The following ULK4 variants were observed in gnomAD, a reference collection of about 807,000 sequenced individuals.
ULK4 encodes the protein inactive serine/threonine-protein kinase ULK4.
Under a neutral mutation model 160.6 loss-of-function variants are expected in ULK4, and 133 were observed. That is an observed-to-expected ratio of 0.83 (90% CI 0.72 to 0.96). The LOEUF is 0.96. Among genes scored for constraint, ULK4 ranks in the 40% least tolerant of loss-of-function variants. ULK4 has a pLI of 0.00. For missense variants in ULK4, 1,580 were observed against 1,499.5 expected (o/e 1.05, Z -0.89); for synonymous variants, 534 against 539.8 (o/e 0.99, Z 0.15).
intron 13 of ULK4, among the ~76,000 whole-genome samples, chr3:41,899,490 T>C (rs1270854833): frequency 6.6e-6 from 1 of 152,220 alleles, no homozygotes; most frequent in Admixed American, 6.5e-5. Flanking sequence ...ACACAGAATA[T>C]TGTCTAAAGC....
intron 32 of ULK4, among the ~76,000 whole-genome samples, chr3:41,495,800 T>C (rs2084967056): frequency 6.6e-6 from 1 of 151,632 alleles, no homozygotes; most frequent in Non-Finnish European, 1.5e-5. Context: ...AAAGAAGACA[T>C]TTACGCAGCC....
rs545878032 is a variant in ULK4, at chr3:41,340,084, C to T, written c.3678+57995G>A. Among the ~76,000 whole-genome samples, 8 of 152,324 alleles carry T rather than the reference C, an allele frequency of 5.3e-5. No individual in the cohort carries two copies. In the South Asian group the frequency reaches 1.7e-3, roughly 32 times the overall value. On this transcript the variant is annotated intron_variant, in intron 35 of 36. Coordinates refer to ENST00000301831, the MANE Select transcript of ULK4 (RefSeq NM_017886.4). ...ACACTGTTTCCACTGCTGCTTATAT[C>T]ACATTTGCATAATTAAATTGCTGGA...
intron 34 of ULK4, among the ~76,000 whole-genome samples, chr3:41,399,614 C>T (rs2082136329): frequency 6.6e-6 from 1 of 152,012 alleles, no homozygotes; most frequent in South Asian, 2.1e-4. Flanking sequence ...CTCTCTGTCA[C>T]CCAGGCTGGA....
At chr3:41,747,513 T>G (rs1193900609) in intron 22 of ULK4, among the ~76,000 whole-genome samples, 1 of 150,066 alleles carries the variant, frequency 6.7e-6, no homozygotes, top group African/African-American at 2.5e-5. Flanking sequence ...GAATTAAAAC[T>G]TGAATACTAG....
chr3:41,858,509 ATTT>A (rs552326948), intron 17 of ULK4, among the ~76,000 whole-genome samples: 8,285 of 124,486 alleles, frequency 0.067, 399 homozygotes, highest in East Asian at 0.17. Context: ...AAATTTTTCA[ATTT>A]TTTTTTTTTT....
chr3:41,761,352 T>C (rs1430743356), intron 21 of ULK4, among the ~76,000 whole-genome samples: 2 of 148,606 alleles, frequency 1.3e-5, no homozygotes, highest in East Asian at 3.9e-4. Flanking sequence ...TACATATATG[T>C]ATATGTATTA....
intron 30 of ULK4, among the ~76,000 whole-genome samples, chr3:41,632,795 A>C (rs1446451842): frequency 6.6e-6 from 1 of 152,178 alleles, no homozygotes; most frequent in Non-Finnish European, 1.5e-5. Context: ...TGACAAATTA[A>C]GGCAGAAAGA....
At chr3:41,326,138 G>A (rs150698875) in intron 35 of ULK4, among the ~76,000 whole-genome samples, 4 of 151,930 alleles carry the variant, frequency 2.6e-5, no homozygotes, top group Non-Finnish European at 4.4e-5. Flanking sequence ...GCATGGGCAG[G>A]GGGGGGCTCC....
chr3:41,320,910 G>A (rs1031406718), intron 35 of ULK4, among the ~76,000 whole-genome samples: 2 of 152,082 alleles, frequency 1.3e-5, no homozygotes, highest in Non-Finnish European at 2.9e-5. Flanking sequence ...GAGTGACACT[G>A]TCTCAAAATA....
chr3:41,623,346 T>C (rs1473458723), intron 30 of ULK4, among the ~76,000 whole-genome samples: 1 of 152,002 alleles, frequency 6.6e-6, no homozygotes, highest in Admixed American at 6.6e-5. Flanking sequence ...GAAAATGAGA[T>C]ACAGAGATTT....
At chr3:41,681,160 A>G (rs1453133796) in intron 29 of ULK4, among the ~76,000 whole-genome samples, 1 of 152,158 alleles carries the variant, frequency 6.6e-6, no homozygotes, top group Admixed American at 6.6e-5. Flanking sequence ...GAGCCAGGAG[A>G]AGTCTCAATT....
intron 35 of ULK4, among the ~76,000 whole-genome samples, chr3:41,293,798 A>T (rs369186862): frequency 2.0e-5 from 3 of 152,240 alleles, no homozygotes; most frequent in Admixed American, 1.3e-4. Flanking sequence ...CTATTATTAT[A>T]TAAAGTGCCA....
At chr3:41,664,106 T>A (rs75375359) in intron 29 of ULK4, among the ~76,000 whole-genome samples, 3,363 of 152,308 alleles carry the variant, frequency 0.022, 107 homozygotes, top group African/African-American at 0.071. Context: ...TTTCCAACGC[T>A]GATAATGATA....
chr3:41,361,502 T>C (rs1392395637), intron 35 of ULK4, among the ~76,000 whole-genome samples: 1 of 152,172 alleles, frequency 6.6e-6, no homozygotes, highest in African/African-American at 2.4e-5. Flanking sequence ...GCTGACTAAA[T>C]CCAGAACTTG....
rs553656636 is a variant in ULK4, at chr3:41,797,913, CAAAAG to C, written c.2010+2214_2010+2218del. Reference sequence around the variant, plus strand: ...GAAAAGAAAACAAAAGAAAACAAAACAAAAGAAAAGAAAAGAGAAAAGAAAAGAAA... The same window carrying C: ...GAAAAGAAAACAAAAGAAAACAAAACAAAAGAAAAGAGAAAAGAAAAGAAA... On this transcript the variant is annotated intron_variant, in intron 20 of 36. Transcript: ENST00000301831. 3.7e-3 allele frequency among the ~76,000 whole-genome samples: 560 copies of C among 149,620 alleles called. 1 individual carries two copies. The highest frequency in any genetic ancestry group is 0.013 in the African/African-American group (521 of 40,702).
intron 17 of ULK4, among the ~76,000 whole-genome samples, chr3:41,856,570 TA>T (rs2042358926): frequency 1.2e-5 from 1 of 84,114 alleles, no homozygotes; most frequent in Non-Finnish European, 2.1e-5. Flanking sequence ...TACACATATA[TA>T]TATGTGTATA....
intron 19 of ULK4, among the ~76,000 whole-genome samples, chr3:41,817,375 T>TG (rs2041005335): frequency 6.6e-6 from 1 of 152,096 alleles, no homozygotes; most frequent in African/African-American, 2.4e-5. Flanking sequence ...AGCTAAGAGA[T>TG]TAACAACCGG....
At chr3:41,495,075 A>T (rs1184662616) in intron 32 of ULK4, among the ~76,000 whole-genome samples, 1 of 152,186 alleles carries the variant, frequency 6.6e-6, no homozygotes, top group African/African-American at 2.4e-5. Context: ...AATTGGAAAA[A>T]ACAACTTTCA....
chr3:41,455,479 A>G lies in ULK4; in HGVS notation c.3492+18T>C. The G allele has an allele frequency of 6.2e-7, 1 of 1,609,252 alleles. No homozygotes were observed. The highest frequency in any genetic ancestry group is 8.5e-7 in the Non-Finnish European group (1 of 1,176,978). On this transcript the variant is annotated intron_variant, in intron 34 of 36. Transcript: ENST00000301831. ...CAACTTCAGTAATGCCCCAAAAGAC[A>G]TACAGGTGAGCTCTTACCAGTGGAA...
Sources: gnomAD v4.1 joint callset for allele counts (sites outside exome capture counted in the v4.1 genomes callset) on GRCh38, gnomAD v4.1.1 for gene constraint, MANE v1.5 for transcripts, NCBI Gene and HGNC (gene_info 2026-07-23, HGNC 2026-07-21) for gene names.